Variants in FNDC3B observed in about 807,000 individuals in gnomAD.
The protein encoded by FNDC3B is fibronectin type III domain containing 3B, also known as fibronectin type III domain-containing protein 3B.
FNDC3B carries 12 observed loss-of-function variants against 151.5 expected under a neutral mutation model. The ratio of observed to expected loss-of-function variants is 0.08; its 90% CI spans 0.05 to 0.13. The LOEUF (loss-of-function observed/expected upper bound fraction) is 0.13. Ranked by LOEUF, FNDC3B falls within the 10% of genes least tolerant of loss-of-function variation. FNDC3B has a pLI of 1.00. For missense variants in FNDC3B, 1,214 were observed against 1,505.3 expected, an observed-to-expected ratio of 0.81 and a Z score of 3.20; for synonymous variants, 528 against 549.0, an observed-to-expected ratio of 0.96 and a Z score of 0.54.
At chr3:172,202,541 AC>A (rs1342264327) in intron 3 of FNDC3B, among the ~76,000 whole-genome samples, 1 of 152,116 alleles carries the variant, frequency 6.6e-6, no homozygotes, top group Non-Finnish European at 1.5e-5. Context: ...TTCAACTAAC[AC>A]CCCCTTGTAA....
intron 1 of FNDC3B, among the ~76,000 whole-genome samples, chr3:172,062,804 T>C (rs1245959473): frequency 6.6e-6 from 1 of 152,178 alleles, no homozygotes; most frequent in Non-Finnish European, 1.5e-5. Flanking sequence ...CTTCTATTAG[T>C]TATTTCCTGA....
At chr3:172,339,304 C>G (rs924311056) in intron 16 of FNDC3B, among the ~76,000 whole-genome samples, 3 of 152,040 alleles carry the variant, frequency 2.0e-5, no homozygotes, top group Non-Finnish European at 4.4e-5. Context: ...TGGCTCACAC[C>G]TGTAATCCCA....
chr3:172,168,012 G>T (rs1723094169), intron 3 of FNDC3B, among the ~76,000 whole-genome samples: 1 of 152,228 alleles, frequency 6.6e-6, no homozygotes, highest in South Asian at 2.1e-4. Flanking sequence ...ACATATTCCA[G>T]TGGTGTTTAC....
chr3:172,316,851 TGA>T (rs1305524687), intron 11 of FNDC3B, among the ~76,000 whole-genome samples: 8 of 152,264 alleles, frequency 5.3e-5, no homozygotes, highest in African/African-American at 1.9e-4. Flanking sequence ...ACAGAATACC[TGA>T]GACTGGTTAC....
At chr3:172,239,049 AT>A (rs201992771) in intron 4 of FNDC3B, among the ~76,000 whole-genome samples, 2 of 84,836 alleles carry the variant, frequency 2.4e-5, no homozygotes, top group Non-Finnish European at 4.1e-5. Flanking sequence ...GATATAATTA[AT>A]TTATTTTTTT....
At chr3:172,088,414 C>G (rs2108507385) in intron 1 of FNDC3B, among the ~76,000 whole-genome samples, 1 of 152,314 alleles carries the variant, frequency 6.6e-6, no homozygotes, top group South Asian at 2.1e-4. Flanking sequence ...GGTCATCTTT[C>G]CTCAGTATCA....
At chr3:172,139,165 C>A (rs1425955799) in intron 3 of FNDC3B, among the ~76,000 whole-genome samples, 2 of 151,730 alleles carry the variant, frequency 1.3e-5, no homozygotes, top group African/African-American at 4.9e-5. Context: ...ACTTTTGGGA[C>A]CTTAACGTTG....
At chr3:172,151,016 A>G (rs757842966) in intron 3 of FNDC3B, among the ~76,000 whole-genome samples, 12 of 152,162 alleles carry the variant, frequency 7.9e-5, no homozygotes, top group African/African-American at 2.7e-4. Flanking sequence ...TTTCTATTCA[A>G]TCTCCTTAGT....
intron 23 of FNDC3B, among the ~76,000 whole-genome samples, chr3:172,373,412 G>T (rs879787639): frequency 6.6e-6 from 1 of 152,176 alleles, no homozygotes; most frequent in Admixed American, 6.5e-5. Context: ...ACTGACCCTG[G>T]TCATTCTACA....
chr3:172,396,423 G>T (rs1736280428), intron 25 of FNDC3B, among the ~76,000 whole-genome samples: 1 of 152,140 alleles, frequency 6.6e-6, no homozygotes, highest in African/African-American at 2.4e-5. Context: ...CATTTTGTTT[G>T]CTCAGTTTTT....
At chr3:172,334,106 C>T (rs561934518) in intron 14 of FNDC3B, among the ~76,000 whole-genome samples, 1 of 152,282 alleles carries the variant, frequency 6.6e-6, no homozygotes, top group South Asian at 2.1e-4. Flanking sequence ...AGTCAGGGAC[C>T]AAATGCTATT....
At chr3:172,209,444 GA>G (rs1417248946) in intron 3 of FNDC3B, among the ~76,000 whole-genome samples, 3 of 152,194 alleles carry the variant, frequency 2.0e-5, no homozygotes, top group African/African-American at 7.2e-5. Flanking sequence ...GAGCTTTATT[GA>G]GCAACAGGAA....
intron 25 of FNDC3B, among the ~76,000 whole-genome samples, chr3:172,390,316 T>G (rs961833733): frequency 1.3e-5 from 2 of 152,250 alleles, no homozygotes; most frequent in Non-Finnish European, 2.9e-5. Context: ...GATTAGACTT[T>G]CGTTAAGAAA....
At chr3:172,188,014 A>G (rs1724288141) in intron 3 of FNDC3B, among the ~76,000 whole-genome samples, 1 of 98,198 alleles carries the variant, frequency 1.0e-5, no homozygotes, top group Non-Finnish European at 2.2e-5. Context: ...TTTTTTTTTG[A>G]GACGGAGTTC....
chr3:172,144,336 TCA>T (rs1721793136), intron 3 of FNDC3B, among the ~76,000 whole-genome samples: 1 of 152,024 alleles, frequency 6.6e-6, no homozygotes, highest in Non-Finnish European at 1.5e-5. Context: ...ACGTTGGGAG[TCA>T]CATCTCAGTG....
intron 3 of FNDC3B, among the ~76,000 whole-genome samples, chr3:172,147,688 TG>T (rs1173205190): frequency 6.6e-6 from 1 of 152,074 alleles, no homozygotes; most frequent in Non-Finnish European, 1.5e-5. Flanking sequence ...CTGGGGTGGG[TG>T]GGGCCAGAAA....
chr3:172,273,257 G>A (rs1395736604), intron 6 of FNDC3B, among the ~76,000 whole-genome samples: 1 of 152,186 alleles, frequency 6.6e-6, no homozygotes, highest in Non-Finnish European at 1.5e-5. Context: ...CTGGTTCACA[G>A]TAATTGCAAC....
chr3:172,323,006 T>C (rs1732165737), intron 11 of FNDC3B, among the ~76,000 whole-genome samples: 1 of 150,510 alleles, frequency 6.6e-6, no homozygotes, highest in Non-Finnish European at 1.5e-5. Flanking sequence ...TGACTCATGA[T>C]AGTGCAGCAA....
intron 1 of FNDC3B, among the ~76,000 whole-genome samples, chr3:172,053,703 C>T (rs930062683): frequency 6.8e-6 from 1 of 146,188 alleles, no homozygotes; most frequent in Non-Finnish European, 1.5e-5. Context: ...ACCTGGGAGG[C>T]GGAGGTTGTA....
Sources: gnomAD v4.1 joint callset for allele counts (sites outside exome capture counted in the v4.1 genomes callset) on GRCh38, gnomAD v4.1.1 for gene constraint, MANE v1.5 for transcripts, NCBI Gene and HGNC (gene_info 2026-07-23, HGNC 2026-07-21) for gene names.